PTPRG: variants seen among roughly 807,000 people sequenced by gnomAD.
PTPRG encodes receptor-type tyrosine-protein phosphatase gamma.
Under a neutral mutation model 165.3 loss-of-function variants are expected in PTPRG, and 102 were observed. The observed-to-expected ratio is 0.62, with a 90% CI of 0.53 to 0.73. The LOEUF (loss-of-function observed/expected upper bound fraction) is 0.73, where lower values mean the gene tolerates loss of function less well. PTPRG is among the 30% of genes least tolerant of loss of function. PTPRG has a pLI of 0.00. For missense variants in PTPRG, 1,866 were observed against 1,861.4 expected, an observed-to-expected ratio of 1.00 and a Z score of -0.05; for synonymous variants, 675 against 669.5, an observed-to-expected ratio of 1.01 and a Z score of -0.13.
rs1248004159 is a variant in PTPRG, at chr3:62,229,879, T to C, written c.2289-1346T>C. Among the ~76,000 whole-genome samples, 1 of 152,240 alleles carries C rather than the reference T, an allele frequency of 6.6e-6. No individual in the cohort carries two copies. Among genetic ancestry groups the C allele is most frequent in the Non-Finnish European group, 1.5e-5 (1 of 68,038 alleles). ...ATAGCCGGCTCTGCTCCAAAATTCC[T>C]GAAAGAGTGAATCTGGCAGAATTCA... On this transcript the variant is annotated intron_variant, in intron 13 of 29. Transcript: ENST00000474889. The surrounding 1 kb of genome is among the most constrained non-coding windows in gnomAD (Gnocchi z 4.6).
intron 2 of PTPRG, among the ~76,000 whole-genome samples, chr3:61,779,899 G>A (rs1036305126): frequency 6.6e-6 from 1 of 152,162 alleles, no homozygotes; most frequent in African/African-American, 2.4e-5. Context: ...GTCCGATAGC[G>A]AGCAGCTCTG....
At chr3:62,137,829 C>T (rs1474044499) in intron 6 of PTPRG, among the ~76,000 whole-genome samples, 1 of 152,168 alleles carries the variant, frequency 6.6e-6, no homozygotes, top group Non-Finnish European at 1.5e-5. Flanking sequence ...GACCACACCT[C>T]AAAACAGCAA....
At chr3:62,039,034 A>G (rs1398663172) in intron 4 of PTPRG, among the ~76,000 whole-genome samples, 1 of 152,154 alleles carries the variant, frequency 6.6e-6, no homozygotes, top group Non-Finnish European at 1.5e-5. Flanking sequence ...TCCCAGGTTC[A>G]GGCAATTCTC....
chr3:61,996,452 A>G (rs1037227881), intron 3 of PTPRG, among the ~76,000 whole-genome samples: 1 of 152,122 alleles, frequency 6.6e-6, no homozygotes, highest in African/African-American at 2.4e-5. Context: ...AGTTTTGTTT[A>G]TGGCACTGAT....
intron 2 of PTPRG, among the ~76,000 whole-genome samples, chr3:61,777,126 C>G (rs541684770): frequency 6.6e-6 from 1 of 152,088 alleles, no homozygotes; most frequent in Non-Finnish European, 1.5e-5. Context: ...TGACATTTCT[C>G]TTAGTCAATA....
At chr3:61,666,754 G>A (rs1702823298) in intron 1 of PTPRG, among the ~76,000 whole-genome samples, 1 of 152,196 alleles carries the variant, frequency 6.6e-6, no homozygotes, top group Admixed American at 6.5e-5. Context: ...AGGGTGTTTA[G>A]TAACATCTAT....
intron 2 of PTPRG, among the ~76,000 whole-genome samples, chr3:61,972,745 C>T (rs1406499521): frequency 3.3e-5 from 5 of 151,514 alleles, no homozygotes; most frequent in East Asian, 1.9e-4. Flanking sequence ...CTTGATCTCC[C>T]GGGCTCAAGT....
chr3:62,113,996 A>G (rs1333090147), intron 5 of PTPRG, among the ~76,000 whole-genome samples: 1 of 152,188 alleles, frequency 6.6e-6, no homozygotes, highest in Non-Finnish European at 1.5e-5. Context: ...TATTTTTTAA[A>G]AGTCTTAGAA....
chr3:61,966,785 C>T (rs996978744), intron 2 of PTPRG, among the ~76,000 whole-genome samples: 2 of 152,102 alleles, frequency 1.3e-5, no homozygotes, highest in African/African-American at 2.4e-5. Flanking sequence ...TGGGTAGAAG[C>T]GGATCTAGTT....
intron 2 of PTPRG, among the ~76,000 whole-genome samples, chr3:61,784,777 G>C (rs544399954): frequency 6.6e-6 from 1 of 152,078 alleles, no homozygotes; most frequent in African/African-American, 2.4e-5. Context: ...TTCTTTTAAA[G>C]AATTTAGTAT....
At chr3:61,970,949 T>C (rs1043391284) in intron 2 of PTPRG, among the ~76,000 whole-genome samples, 3 of 152,240 alleles carry the variant, frequency 2.0e-5, no homozygotes, top group Non-Finnish European at 4.4e-5. Context: ...TCTAAAATCC[T>C]GAATTTAAGA....
In PTPRG at chr3:62,052,694, TA is replaced by T. The variant is rs557989802; in HGVS notation, c.520-25459del. Among the ~76,000 whole-genome samples, 452 of 148,690 alleles carry T rather than the reference TA, an allele frequency of 3.0e-3. 2 individuals carry two copies. Among genetic ancestry groups the T allele is most frequent in the Non-Finnish European group, 4.8e-3 (323 of 66,904 alleles). ...TGGGTGACAGTGAGAACCTGTCTCT[TA>T]AAAAAAAAAGAAAGAAAAGAAATGG... On this transcript the variant is annotated intron_variant, in intron 4 of 29. Transcript: ENST00000474889.
At chr3:61,703,148 CT>C (rs200580288) in intron 1 of PTPRG, among the ~76,000 whole-genome samples, 1,518 of 143,512 alleles carry the variant, frequency 0.011, 13 homozygotes, top group African/African-American at 0.026. Context: ...GAAGTTGAAT[CT>C]TTTTTTTTTT....
intron 2 of PTPRG, chr3:61,749,644 C>T (rs1324364668): frequency 6.5e-6 from 1 of 154,016 alleles, no homozygotes; most frequent in Non-Finnish European, 1.4e-5. Context: ...TTAGGCTTCC[C>T]AAAACTCCCA....
rs558978603 is a variant in PTPRG at position 62,162,847 on chromosome 3, A to G, written c.841-5124A>G. Among the ~76,000 whole-genome samples, 8 of 152,336 alleles carry G rather than the reference A, an allele frequency of 5.3e-5. No individual in the cohort carries two copies. In the East Asian group the frequency reaches 5.8e-4, roughly 11 times the overall value. On this transcript the variant is annotated intron_variant, in intron 7 of 29. Coordinates refer to ENST00000474889, the MANE Select transcript of PTPRG (RefSeq NM_002841.4). ...CAAAATAGAGTCACACAGACCTGCT[A>G]TTCTAAGCCTCACTTCACCTCTTGG...
Position 62,252,755 on chromosome 3 carries a change from A to G in PTPRG, c.2468-2369A>G, listed in dbSNP as rs1255347623. 6.6e-6 allele frequency among the ~76,000 whole-genome samples: 1 copy of G among 152,220 alleles called. No individual in the cohort carries two copies. The highest frequency in any genetic ancestry group is 1.5e-5 in the Non-Finnish European group (1 of 68,032). ...CCTTATATTCATCTCAGTATAAAGA[A>G]AAGAGATTTATGACTCCTCAGCTAT... is the stretch of plus-strand genomic sequence containing the variant. On this transcript the variant is annotated intron_variant, in intron 15 of 29. Coordinates refer to ENST00000474889, the MANE Select transcript of PTPRG (RefSeq NM_002841.4). This position sits in a 1 kb window ranked among gnomAD's most constrained non-coding sequence, Gnocchi z 4.6.
At chr3:62,128,375 C>G (rs528077149) in intron 5 of PTPRG, among the ~76,000 whole-genome samples, 32 of 152,188 alleles carry the variant, frequency 2.1e-4, no homozygotes, top group African/African-American at 7.2e-4. Context: ...TTAAAAGGAA[C>G]AGCATATTAC....
intron 2 of PTPRG, among the ~76,000 whole-genome samples, chr3:61,927,363 G>C (rs184676604): frequency 4.1e-4 from 62 of 152,288 alleles, no homozygotes; most frequent in Non-Finnish European, 1.0e-4. Flanking sequence ...TGGAGGCCGA[G>C]CTCTCAAATG....
At chr3:62,234,957 A>C in intron 14 of PTPRG, among the ~76,000 whole-genome samples, 1 of 150,730 alleles carries the variant, frequency 6.6e-6, no homozygotes. Flanking sequence ...AGATGGTCTC[A>C]AGTATTTTAA....
Sources: allele counts gnomAD v4.1 joint callset (sites outside exome capture counted in the v4.1 genomes callset), GRCh38; gene constraint gnomAD v4.1.1; non-coding constraint Gnocchi (gnomAD v3.1); transcripts MANE v1.5; gene names NCBI Gene and HGNC (gene_info 2026-07-23, HGNC 2026-07-21).